Variants in VWA3B observed in about 807,000 individuals in gnomAD.
VWA3B encodes the protein von Willebrand factor A domain-containing protein 3B.
A neutral mutation model predicts 158.3 loss-of-function variants in VWA3B; 138 were observed. The ratio of observed to expected loss-of-function variants is 0.87; its 90% CI spans 0.76 to 1.00. The LOEUF is 1.00. Among genes scored for constraint, VWA3B ranks in the 50% least tolerant of loss-of-function variants. VWA3B has a pLI of 0.00. For synonymous variants in VWA3B, 596 were observed against 587.3 expected, an observed-to-expected ratio of 1.01 and a Z score of -0.21; for missense variants, 1,555 against 1,565.1, an observed-to-expected ratio of 0.99 and a Z score of 0.11.
chr2:98,234,987 C>T (rs1390482601), intron 17 of VWA3B, among the ~76,000 whole-genome samples: 2 of 152,138 alleles, frequency 1.3e-5, no homozygotes, highest in African/African-American at 4.8e-5. Flanking sequence ...GTTTAATACA[C>T]ACGTGGCTCA....
intron 20 of VWA3B, among the ~76,000 whole-genome samples, chr2:98,255,543 C>T (rs777327059): frequency 9.9e-5 from 15 of 152,038 alleles, no homozygotes; most frequent in Non-Finnish European, 1.9e-4. Flanking sequence ...TCCTTCTTTG[C>T]TCTTGGGTCA....
chr2:98,252,764 G>A (rs1686878021), intron 20 of VWA3B, among the ~76,000 whole-genome samples: 1 of 152,076 alleles, frequency 6.6e-6, no homozygotes, highest in African/African-American at 2.4e-5. Flanking sequence ...AGGACAGGGA[G>A]CCCCTTCCCA....
chr2:98,116,044 C>A (rs1573804356), intron 3 of VWA3B, among the ~76,000 whole-genome samples: 1 of 152,192 alleles, frequency 6.6e-6, no homozygotes, highest in Admixed American at 6.5e-5. Context: ...CAGAGATGAT[C>A]TGAAAGCCAA....
At chr2:98,168,060 T>C (rs1182676373) in intron 8 of VWA3B, among the ~76,000 whole-genome samples, 1 of 152,128 alleles carries the variant, frequency 6.6e-6, no homozygotes, top group African/African-American at 2.4e-5. Context: ...CTCAAAATGA[T>C]TGGCATCTAA....
intron 12 of VWA3B, among the ~76,000 whole-genome samples, chr2:98,203,113 G>A (rs904814980): frequency 2.0e-5 from 3 of 152,238 alleles, no homozygotes; most frequent in African/African-American, 4.8e-5. Context: ...TTACAGGCGT[G>A]AGCCACCACA....
At chr2:98,319,876 TCACACACACACA>T in the VWA3B span, among the ~76,000 whole-genome samples, 12 of 147,334 alleles carry the variant, frequency 8.1e-5, no homozygotes, top group Non-Finnish European at 1.2e-4. Flanking sequence ...TGAGACTCCA[TCACACACACACA>T]CACACACACA....
At chr2:98,087,814 T>C (rs1269143992) in intron 1 of VWA3B, among the ~76,000 whole-genome samples, 2 of 152,202 alleles carry the variant, frequency 1.3e-5, no homozygotes, top group Non-Finnish European at 2.9e-5. Flanking sequence ...CACAATCATA[T>C]CAGTTTCTTT....
In VWA3B at chr2:98,194,424, C is replaced by A; in HGVS notation, c.1669C>A (p.Arg557=). 6.2e-7 allele frequency: 1 copy of A among 1,613,926 alleles called. No homozygotes were observed. Among genetic ancestry groups the A allele is most frequent in the Non-Finnish European group, 8.5e-7 (1 of 1,179,924 alleles). ...VKFDGQAVAW[R]EQLAEVNEDN... is the part of the protein sequence containing the mutation. ...GTTTGATGGTCAAGCAGTTGCTTGG[C>A]GGGAACAACTTGCTGAAGTCAATGA... The change falls in exon 12 of 28, where the codon CGG becomes AGG. Residue 557 remains arginine (R), a synonymous_variant. Coordinates refer to ENST00000477737, the MANE Select transcript of VWA3B (RefSeq NM_144992.5).
intron 22 of VWA3B, among the ~76,000 whole-genome samples, chr2:98,279,108 G>A (rs776577349): frequency 6.6e-6 from 1 of 151,994 alleles, no homozygotes; most frequent in African/African-American, 2.4e-5. Flanking sequence ...AGAAAATGAA[G>A]CCCTTCATTA....
At chr2:98,299,968 AT>A in intron 24 of VWA3B, 110 bp from the exon 25 acceptor site, 5 of 1,371,688 alleles carry the variant, frequency 3.6e-6, no homozygotes, top group Non-Finnish European at 5.1e-6. Flanking sequence ...ATCTATTTGA[AT>A]TTTAGCATCA....
At chr2:98,186,158 A>ATTTTT (rs377014875) in intron 9 of VWA3B, among the ~76,000 whole-genome samples, 4 of 128,376 alleles carry the variant, frequency 3.1e-5, no homozygotes, top group African/African-American at 5.9e-5. Flanking sequence ...ACTTCCTTGA[A>ATTTTT]TTTTTTTTTT....
Position 98,192,973 on chromosome 2 carries a change from C to T in VWA3B, c.1542C>T (p.Asp514=). Residue 514 remains aspartate (D), a synonymous_variant, in exon 11 of 28, where the codon GAC becomes GAT. Transcript: ENST00000477737. Reference sequence around the variant, plus strand: ...ATGATTGCATCTACATTCTCATTGACACGTCTCACTCAATGAAGAGCAAAC... The same window carrying T: ...ATGATTGCATCTACATTCTCATTGATACGTCTCACTCAATGAAGAGCAAAC... The part of the protein sequence containing the change: ...LHNDCIYILI[D]TSHSMKSKLD... 3 of 1,614,140 alleles carry T rather than the reference C, an allele frequency of 1.9e-6. No individual in the cohort carries two copies. The highest frequency in any genetic ancestry group is 2.2e-5 in the South Asian group (2 of 91,080).
chr2:98,268,903 A>G (rs1378142534), intron 21 of VWA3B, among the ~76,000 whole-genome samples: 1 of 152,020 alleles, frequency 6.6e-6, no homozygotes, highest in Non-Finnish European at 1.5e-5. Context: ...TTCCTATATT[A>G]TGCATGCAAA....
At chr2:98,247,055 T>C (rs1686444825) in intron 19 of VWA3B, among the ~76,000 whole-genome samples, 1 of 151,976 alleles carries the variant, frequency 6.6e-6, no homozygotes, top group African/African-American at 2.4e-5. Flanking sequence ...TGCAGTGTAG[T>C]GGTGTGATCT....
chr2:98,137,618 G>T (rs561283138), intron 7 of VWA3B, among the ~76,000 whole-genome samples: 30 of 152,180 alleles, frequency 2.0e-4, no homozygotes, highest in Non-Finnish European at 3.1e-4. Flanking sequence ...ATGATAATTT[G>T]TTTCTAGGTT....
chr2:98,167,969 C>T (rs1451715609), intron 8 of VWA3B, among the ~76,000 whole-genome samples: 2 of 152,162 alleles, frequency 1.3e-5, no homozygotes, highest in Non-Finnish European at 2.9e-5. Flanking sequence ...CAAACTATTT[C>T]TAGGTAACAT....
chr2:98,216,878 G>A, intron 13 of VWA3B: 1 of 1,227,254 alleles, frequency 8.1e-7, no homozygotes, highest in African/African-American at 1.6e-5. Context: ...GGCAGTGCTG[G>A]ATGAGCTTCA....
chr2:98,234,688 C>T lies in VWA3B; in HGVS notation c.2349C>T (p.Ser783=). 6.2e-7 allele frequency: 1 copy of T among 1,614,196 alleles called. No homozygotes were observed. The highest frequency in any genetic ancestry group is 8.5e-7 in the Non-Finnish European group (1 of 1,180,038). ...KTSLLRSQMS[S]LRSSACSERK... ...GCCTGCTCAGAAGCCAGATGTCCTC[C>T]CTCAGGAGCTCAGCTTGCAGTGAAA... is the stretch of plus-strand genomic sequence containing the variant. The change falls in exon 17 of 28, where the codon TCC becomes TCT. Residue 783 remains serine (S), a synonymous_variant. Transcript: ENST00000477737.
chr2:98,239,921 A>G (rs1005420198), intron 19 of VWA3B, among the ~76,000 whole-genome samples: 10 of 152,190 alleles, frequency 6.6e-5, no homozygotes, highest in African/African-American at 2.4e-5. Flanking sequence ...TAAAAAAAAA[A>G]AAAGAAAGAA....
Sources: gnomAD v4.1 joint callset for allele counts (sites outside exome capture counted in the v4.1 genomes callset) on GRCh38, gnomAD v4.1.1 for gene constraint, MANE v1.5 for transcripts, NCBI Gene and HGNC (gene_info 2026-07-23, HGNC 2026-07-21) for gene names.